Variants in RFX3 observed in about 807,000 individuals in gnomAD.
RFX3 encodes regulatory factor X3.
A neutral mutation model predicts 98.6 loss-of-function variants in RFX3; 14 were observed. The observed-to-expected ratio is 0.14, with a 90% confidence interval of 0.09 to 0.22. The LOEUF (loss-of-function observed/expected upper bound fraction) is 0.22, where lower values mean the gene tolerates loss of function less well. Among genes scored for constraint, RFX3 ranks in the 10% least tolerant of loss-of-function variants. The pLI is 1.00. For missense variants in RFX3, 639 were observed against 926.9 expected, an observed-to-expected ratio of 0.69 and a Z score of 4.03; for synonymous variants, 383 against 328.4, an observed-to-expected ratio of 1.17 and a Z score of -1.80.
intron 2 of RFX3, among the ~76,000 whole-genome samples, chr9:3,385,434 G>A (rs889947176): frequency 1.3e-5 from 2 of 151,986 alleles, no homozygotes. Context: ...CTCTTGGCCG[G>A]GTGCAGTGGC....
chr9:3,461,843 A>T (rs1336948742), intron 1 of RFX3, among the ~76,000 whole-genome samples: 1 of 152,014 alleles, frequency 6.6e-6, no homozygotes, highest in African/African-American at 2.4e-5. Flanking sequence ...AAGCATACCT[A>T]AATAAGCTAT....
chr9:3,341,590 C>T (rs536641925), intron 3 of RFX3, among the ~76,000 whole-genome samples: 2 of 152,104 alleles, frequency 1.3e-5, no homozygotes, highest in Non-Finnish European at 2.9e-5. Flanking sequence ...AAGTAGTCGG[C>T]TCCTGTTTCA....
chr9:3,442,403 C>A (rs1020326659), intron 1 of RFX3, among the ~76,000 whole-genome samples: 3 of 151,676 alleles, frequency 2.0e-5, no homozygotes, highest in Non-Finnish European at 4.4e-5. Flanking sequence ...AAGGATACTC[C>A]AAAAAGTATC....
intron 2 of RFX3, among the ~76,000 whole-genome samples, chr9:3,351,372 G>C (rs1835101132): frequency 6.6e-6 from 1 of 151,620 alleles, no homozygotes; most frequent in Non-Finnish European, 1.5e-5. Context: ...AAATGAATAG[G>C]ATAAAATAAA....
chr9:3,404,364 A>G (rs988344282), intron 1 of RFX3, among the ~76,000 whole-genome samples: 1 of 152,192 alleles, frequency 6.6e-6, no homozygotes, highest in African/African-American at 2.4e-5. Flanking sequence ...TATAGCCAAT[A>G]CTGTAAATTC....
intron 2 of RFX3, among the ~76,000 whole-genome samples, chr9:3,394,267 T>C (rs567299510): frequency 6.6e-6 from 1 of 151,882 alleles, no homozygotes; most frequent in East Asian, 1.9e-4. Flanking sequence ...ATCGAGACCA[T>C]CCTGGCTAAC....
At chr9:3,466,649 G>T (rs528972477) in intron 1 of RFX3, among the ~76,000 whole-genome samples, 8 of 152,170 alleles carry the variant, frequency 5.3e-5, no homozygotes, top group African/African-American at 1.9e-4. Context: ...GATTCAATTA[G>T]ATGTCTTATT....
intron 14 of RFX3, among the ~76,000 whole-genome samples, chr9:3,255,645 C>G (rs1436546549): frequency 1.3e-5 from 2 of 152,150 alleles, no homozygotes; most frequent in Non-Finnish European, 2.9e-5. Flanking sequence ...GGAAGAATTC[C>G]CTCTGCCAAT....
chr9:3,440,490 T>C (rs144757677), intron 1 of RFX3, among the ~76,000 whole-genome samples: 2 of 152,200 alleles, frequency 1.3e-5, no homozygotes, highest in Non-Finnish European at 2.9e-5. Context: ...AAATTTATAA[T>C]AGCATCCACA....
chr9:3,479,289 A>G (rs1433874640), intron 1 of RFX3, among the ~76,000 whole-genome samples: 1 of 152,152 alleles, frequency 6.6e-6, no homozygotes, highest in African/African-American at 2.4e-5. Context: ...AGGCAGCACA[A>G]ATTCACTGAG....
chr9:3,246,761 A>G (rs1479269869), intron 15 of RFX3, among the ~76,000 whole-genome samples: 1 of 152,244 alleles, frequency 6.6e-6, no homozygotes, highest in Non-Finnish European at 1.5e-5. Context: ...GGTCCTGCTT[A>G]CAATGAAAAG....
chr9:3,281,923 A>T (rs963826240), intron 7 of RFX3, among the ~76,000 whole-genome samples: 2 of 151,838 alleles, frequency 1.3e-5, no homozygotes, highest in Admixed American at 1.3e-4. Flanking sequence ...AGGATTTTCT[A>T]CAGATTAAAT....
Position 3,219,121 on chromosome 9 carries a change from G to C in RFX3, c.*5921C>G, listed in dbSNP as rs1474217274. 6.6e-6 allele frequency: 1 copy of C among 152,120 alleles called. No homozygotes were observed. Among genetic ancestry groups the C allele is most frequent in the Non-Finnish European group, 1.5e-5 (1 of 68,020 alleles). 9.4% of individuals were successfully genotyped at this position (152,120 alleles called of 1,614,324 possible). On this transcript the variant is annotated 3_prime_UTR_variant, in exon 17 of 17. Transcript: ENST00000617270. ...TTGGTCACCACCATAGGTCCAAATT[G>C]ATGATGGAAATGAGTAGAGAAAAAA...
At chr9:3,420,939 G>C (rs1843387152) in intron 1 of RFX3, 1 of 982,102 alleles carries the variant, frequency 1.0e-6, no homozygotes, top group African/African-American at 1.8e-5. Flanking sequence ...CATCTGTAAA[G>C]TTCTGTGGCT....
chr9:3,247,890 C>A, intron 15 of RFX3, 142 bp downstream of exon 15: 1 of 1,609,348 alleles, frequency 6.2e-7, no homozygotes, highest in Non-Finnish European at 8.5e-7. Flanking sequence ...GGAACTCTTG[C>A]AATAACTCCA....
chr9:3,455,803 A>G (rs1847097936), intron 1 of RFX3, among the ~76,000 whole-genome samples: 1 of 152,226 alleles, frequency 6.6e-6, no homozygotes. Context: ...AAACCTGGAA[A>G]CCATAAATGA....
At chr9:3,344,278 T>A (rs973766377) in intron 3 of RFX3, among the ~76,000 whole-genome samples, 1 of 152,208 alleles carries the variant, frequency 6.6e-6, no homozygotes, top group Admixed American at 6.5e-5. Flanking sequence ...GAGTATCCTA[T>A]ATCCAAAATG....
At chr9:3,277,205 A>T in intron 8 of RFX3, 135 bp downstream of exon 8, 1 of 766,294 alleles carries the variant, frequency 1.3e-6, no homozygotes, top group South Asian at 1.7e-5. Context: ...ACTGTTATAC[A>T]TATGATGTGC....
intron 6 of RFX3, among the ~76,000 whole-genome samples, chr9:3,292,543 G>C (rs1283357036): frequency 6.6e-6 from 1 of 152,096 alleles, no homozygotes; most frequent in Non-Finnish European, 1.5e-5. Flanking sequence ...ACAATATTTT[G>C]CAAGTTTACC....
Sources: gnomAD v4.1 joint callset for allele counts (sites outside exome capture counted in the v4.1 genomes callset) on GRCh38, gnomAD v4.1.1 for gene constraint, MANE v1.5 for transcripts, NCBI Gene and HGNC (gene_info 2026-07-23, HGNC 2026-07-21) for gene names.